Variants in SHC2 observed in about 807,000 individuals in gnomAD.
The protein encoded by SHC2 is SHC adaptor protein 2.
Under a neutral mutation model 60.6 loss-of-function variants are expected in SHC2, and 62 were observed. The ratio of observed to expected loss-of-function variants is 1.02; its 90% CI spans 0.83 to 1.26. The LOEUF (loss-of-function observed/expected upper bound fraction) is 1.26. Ranked by LOEUF, SHC2 falls within the 50% of genes most tolerant of loss-of-function variation. SHC2 has a pLI of 0.00. For missense variants in SHC2, 873 were observed against 822.2 expected (o/e 1.06, Z -0.76); for synonymous variants, 375 against 372.4 (o/e 1.01, Z -0.08).
intron 12 of SHC2, among the ~76,000 whole-genome samples, chr19:417,843 C>T (rs1044379576): frequency 3.3e-5 from 5 of 152,042 alleles, no homozygotes; most frequent in African/African-American, 9.7e-5. Flanking sequence ...AGGCCGCGGC[C>T]GCATAGGGGA....
chr19:427,415 G>A (rs112245138), intron 9 of SHC2, among the ~76,000 whole-genome samples: 242 of 152,340 alleles, frequency 1.6e-3, no homozygotes, highest in Admixed American at 3.8e-3. Flanking sequence ...CTGAGGGAGC[G>A]GGAAGGATCC....
chr19:456,703 TGCCCCC>T (rs1975350385), intron 1 of SHC2, among the ~76,000 whole-genome samples: 1 of 152,144 alleles, frequency 6.6e-6, no homozygotes, highest in Non-Finnish European at 1.5e-5. Context: ...GCACCTGCTG[TGCCCCC>T]CCTAGAACTC....
In SHC2 at chr19:438,609, G is replaced by A. The variant is rs1278006288; in HGVS notation, c.720+109C>T. ...CAGCGGGGCCTCGGCTCGTCTTTCT[G>A]GATAAACGCCACCTGCTGCCCGCCC... is the stretch of plus-strand genomic sequence containing the variant. On this transcript the variant is annotated intron_variant, in intron 4 of 12. Coordinates refer to ENST00000264554, the MANE Select transcript of SHC2 (RefSeq NM_012435.3). This position sits in a 1 kb window ranked among gnomAD's most constrained non-coding sequence, Gnocchi z 5.0. 7.7e-7 allele frequency: 1 copy of A among 1,302,550 alleles called. No individual in the cohort carries two copies. The highest frequency in any genetic ancestry group is 1.0e-6 in the Non-Finnish European group (1 of 958,248). The allele number at this position is 1,302,550 out of a possible 1,614,324, so 80.7% of individuals were successfully genotyped here.
chr19:421,843 G>A (rs1263732587), intron 11 of SHC2, among the ~76,000 whole-genome samples: 2 of 152,156 alleles, frequency 1.3e-5, no homozygotes, highest in African/African-American at 2.4e-5. Context: ...CCAGGAGTTC[G>A]AGGCTGCAGA....
At chr19:448,890 C>G (rs761992180) in intron 1 of SHC2, among the ~76,000 whole-genome samples, 1 of 151,998 alleles carries the variant, frequency 6.6e-6, no homozygotes. Flanking sequence ...AAGTGGCTCA[C>G]GCCTCTAATC....
chr19:435,115 C>G (rs898657256), intron 7 of SHC2, among the ~76,000 whole-genome samples: 1 of 152,182 alleles, frequency 6.6e-6, no homozygotes, highest in Non-Finnish European at 1.5e-5. Flanking sequence ...CAAACCCAGT[C>G]TCCACTCCTT....
At position 424,559 on chromosome 19, in the gene SHC2, G is replaced by A. The variant is rs1276218477; in HGVS notation, c.1309+538C>T. On this transcript the variant is annotated intron_variant, in intron 10 of 12. Coordinates refer to ENST00000264554, the MANE Select transcript of SHC2 (RefSeq NM_012435.3). This position sits in a 1 kb window ranked among gnomAD's most constrained non-coding sequence, Gnocchi z 4.5. ...CCCCTCTCAGACTAAGGAGTCCCAT[G>A]GGGCGAGGGTCTGGCTTCCCCTGTT... is the stretch of plus-strand genomic sequence containing the variant. Among the ~76,000 whole-genome samples the A allele has an allele frequency of 6.6e-6, 1 of 152,318 alleles. No individual in the cohort carries two copies. The highest frequency in any genetic ancestry group is 2.1e-4 in the South Asian group (1 of 4,822).
intron 1 of SHC2, among the ~76,000 whole-genome samples, chr19:452,814 A>G (rs1301966479): frequency 1.3e-5 from 2 of 152,160 alleles, no homozygotes; most frequent in East Asian, 3.8e-4. Flanking sequence ...GCAGCTCTCC[A>G]AGCCCCCCAG....
chr19:438,649 G>A lies in SHC2; in HGVS notation c.720+69C>T. ...GCTGCCCGCCCCCAGCACCCCACCT[G>A]GCTTTGCCTCCTAGGACTCCTGGCC... is the stretch of plus-strand genomic sequence containing the variant. On this transcript the variant is annotated intron_variant, in intron 4 of 12. Coordinates refer to ENST00000264554, the MANE Select transcript of SHC2 (RefSeq NM_012435.3). The surrounding 1 kb of genome is among the most constrained non-coding windows in gnomAD (Gnocchi z 5.0). The A allele has an allele frequency of 1.9e-5, 29 of 1,506,416 alleles. No homozygotes were observed. The highest frequency in any genetic ancestry group is 2.4e-5 in the Non-Finnish European group (27 of 1,122,710). The allele number at this position is 1,506,416 out of a possible 1,614,324, so 93.3% of individuals were successfully genotyped here. A position where few individuals can be genotyped will look rare whatever the true frequency, so the allele number is the denominator to read the frequency against.
intron 1 of SHC2, among the ~76,000 whole-genome samples, chr19:452,451 G>C (rs1256367481): frequency 2.3e-5 from 3 of 130,330 alleles, no homozygotes; most frequent in African/African-American, 5.9e-5. Flanking sequence ...TCCTGCATAG[G>C]TGTGCGTTTC....
intron 9 of SHC2, 151 bp downstream of exon 9, chr19:430,533 A>T: frequency 1.5e-6 from 1 of 645,568 alleles, no homozygotes; most frequent in South Asian, 2.0e-5. Context: ...CTGATGATGA[A>T]AATCTCAGCA....
intron 1 of SHC2, among the ~76,000 whole-genome samples, chr19:442,497 GGATGGACGGATGGATGGA>G (rs1974900595): frequency 8.7e-6 from 1 of 115,056 alleles, no homozygotes; most frequent in Non-Finnish European, 1.8e-5. Context: ...GTGGATGGAT[GGATGGACGGATGGATGGA>G]TGGATGGGTG....
chr19:422,472 A>G lies in SHC2; in HGVS notation c.1310-16T>C. 1 of 1,504,428 alleles carries G rather than the reference A, an allele frequency of 6.6e-7. No individual in the cohort carries two copies. Among genetic ancestry groups the G allele is most frequent in the Non-Finnish European group, 8.9e-7 (1 of 1,123,666 alleles). 93.2% of individuals were successfully genotyped at this position (1,504,428 alleles called of 1,614,324 possible). ...TCAAAGGGTCCTGCAGGCCAGGGAC[A>G]GGAGTGCTGGGCAGGCAGGGGGCAA... On this transcript the variant is annotated splice_polypyrimidine_tract_variant and intron_variant, in intron 10 of 12. Coordinates refer to ENST00000264554, the MANE Select transcript of SHC2 (RefSeq NM_012435.3). This position sits in a 1 kb window ranked among gnomAD's most constrained non-coding sequence, Gnocchi z 5.0.
intron 11 of SHC2, chr19:419,988 G>A (rs967443269): frequency 1.3e-5 from 2 of 152,242 alleles, no homozygotes; most frequent in African/African-American, 4.8e-5. Context: ...GCGGAACAGG[G>A]ACAAATACAC....
At chr19:426,895 C>G (rs1001732387) in intron 9 of SHC2, among the ~76,000 whole-genome samples, 2 of 151,882 alleles carry the variant, frequency 1.3e-5, no homozygotes, top group African/African-American at 2.4e-5. Flanking sequence ...GAGACGCAGG[C>G]GGGTGGAGGA....
Position 446,471 on chromosome 19 carries a change from C to T in SHC2, c.469-5539G>A, listed in dbSNP as rs1975056023. Among the ~76,000 whole-genome samples the T allele has an allele frequency of 6.6e-6, 1 of 152,022 alleles. No homozygotes were observed. Among genetic ancestry groups the T allele is most frequent in the Non-Finnish European group, 1.5e-5 (1 of 67,994 alleles). ...GATTACAGGCGCCCACTACCACGCC[C>T]GGCTAATTTTTGTATTTTTAGTAGA... On this transcript the variant is annotated intron_variant, in intron 1 of 12. Transcript: ENST00000264554. The surrounding 1 kb of genome is among the most constrained non-coding windows in gnomAD (Gnocchi z 5.4).
intron 1 of SHC2, among the ~76,000 whole-genome samples, chr19:444,592 G>A (rs973277069): frequency 4.6e-5 from 7 of 152,142 alleles, no homozygotes; most frequent in African/African-American, 1.4e-4. Context: ...TATCCTATTC[G>A]GTTGAGAACA....
intron 1 of SHC2, among the ~76,000 whole-genome samples, chr19:460,288 C>T (rs1975507967): frequency 6.7e-6 from 1 of 150,100 alleles, no homozygotes; most frequent in East Asian, 1.9e-4. Context: ...CGCATGCGCG[C>T]CCCTCCCCCG....
rs563226982 is a variant in SHC2 at position 429,423 on chromosome 19, G to A, written c.1174+1261C>T. 8.4e-4 allele frequency among the ~76,000 whole-genome samples: 124 copies of A among 147,650 alleles called. 1 individual carries two copies. Among genetic ancestry groups the A allele is most frequent in the Non-Finnish European group, 1.4e-3 (91 of 67,218 alleles). On this transcript the variant is annotated intron_variant, in intron 9 of 12. Coordinates refer to ENST00000264554, the MANE Select transcript of SHC2 (RefSeq NM_012435.3). Reference sequence around the variant, plus strand: ...CCAACATGCAGAGAAACCTAATACCGTGTGGATGACACAGTATCTACACCC... The same window carrying A: ...CCAACATGCAGAGAAACCTAATACCATGTGGATGACACAGTATCTACACCC...
Sources: gnomAD v4.1 joint callset for allele counts (sites outside exome capture counted in the v4.1 genomes callset) on GRCh38, gnomAD v4.1.1 for gene constraint, Gnocchi (gnomAD v3.1) non-coding constraint, MANE v1.5 for transcripts, NCBI Gene and HGNC (gene_info 2026-07-23, HGNC 2026-07-21) for gene names.